The following SPG11 variants were observed in gnomAD, a reference collection of about 807,000 sequenced individuals.
SPG11 encodes the protein SPG11 vesicle trafficking associated, spatacsin.
SPG11 carries 222 observed loss-of-function variants against 274.0 expected under a neutral mutation model. The observed-to-expected ratio is 0.81, with a 90% CI of 0.73 to 0.91. The LOEUF (loss-of-function observed/expected upper bound fraction) is 0.91, where lower values mean the gene tolerates loss of function less well. SPG11 is among the 40% of genes least tolerant of loss of function. The pLI is 0.00. For missense variants in SPG11, 3,114 were observed against 2,872.7 expected (o/e 1.08, Z -1.92); for synonymous variants, 1,144 against 1,039.7 (o/e 1.10, Z -1.93).
chr15:44,594,893 T>G (rs962223048), intron 26 of SPG11, among the ~76,000 whole-genome samples: 1 of 152,258 alleles, frequency 6.6e-6, no homozygotes, highest in Non-Finnish European at 1.5e-5. Context: ...CTCGGCTCAC[T>G]GCAACCTCCA....
At chr15:44,572,987 T>A (rs1034583206) in intron 32 of SPG11, among the ~76,000 whole-genome samples, 167 bp from the exon 33 acceptor site, 1 of 140,688 alleles carries the variant, frequency 7.1e-6, no homozygotes, top group Non-Finnish European at 1.6e-5. Context: ...GTTCTTTTTT[T>A]TTTTTTTTTT....
intron 10 of SPG11, among the ~76,000 whole-genome samples, chr15:44,627,297 A>G (rs1448308592): frequency 6.6e-6 from 1 of 152,250 alleles, no homozygotes; most frequent in Non-Finnish European, 1.5e-5. Flanking sequence ...TAGAGGGAAC[A>G]GAAAGGAGGC....
intron 7 of SPG11, among the ~76,000 whole-genome samples, chr15:44,641,022 C>T (rs2084424553): frequency 6.6e-6 from 1 of 152,152 alleles, no homozygotes; most frequent in Admixed American, 6.5e-5. Context: ...GCCACCGCAC[C>T]CAGCCAGGAC....
chr15:44,601,158 A>T (rs2083176845), intron 20 of SPG11, among the ~76,000 whole-genome samples: 1 of 152,230 alleles, frequency 6.6e-6, no homozygotes, highest in African/African-American at 2.4e-5. Flanking sequence ...ATTTCAAAAA[A>T]ACAAAAAAAA....
At chr15:44,625,213 T>G (rs1431264163) in intron 11 of SPG11, among the ~76,000 whole-genome samples, 1 of 152,034 alleles carries the variant, frequency 6.6e-6, no homozygotes, top group Non-Finnish European at 1.5e-5. Context: ...GACAGGGTCT[T>G]GCTCTGTTAC....
At chr15:44,640,681 T>G (rs191212483) in intron 7 of SPG11, among the ~76,000 whole-genome samples, 1 of 152,294 alleles carries the variant, frequency 6.6e-6, no homozygotes, top group African/African-American at 2.4e-5. Flanking sequence ...ATGTGGAAAC[T>G]TAATATATGA....
chr15:44,579,526 CAAAAA>C (rs954664107), intron 30 of SPG11, among the ~76,000 whole-genome samples: 1 of 51,870 alleles, frequency 1.9e-5, no homozygotes, highest in African/African-American at 7.4e-5. Context: ...GACTCCGTCT[CAAAAA>C]AAAAAAAAAA....
chr15:44,608,443 C>A lies in SPG11; in HGVS notation c.3453+1G>T, dbSNP rs2083377690. 1.2e-6 allele frequency: 2 copies of A among 1,613,976 alleles called. No homozygotes were observed. The highest frequency in any genetic ancestry group is 1.7e-6 in the Non-Finnish European group (2 of 1,179,938). On this transcript the variant is annotated splice_donor_variant, in intron 19 of 39. Transcript: ENST00000261866. LOFTEE classifies it high-confidence loss of function. ...AAATATTGGCCACCTAAATACTGTA[C>A]CTGAATAAGGTGGTAGATTGTAATA...
At chr15:44,566,847 A>T (rs2082319364) in intron 36 of SPG11, among the ~76,000 whole-genome samples, 1 of 151,668 alleles carries the variant, frequency 6.6e-6, no homozygotes, top group South Asian at 2.1e-4. Context: ...TTACAGGTGC[A>T]TGCCGCCACA....
At chr15:44,630,745 A>T (rs2141048869) in intron 8 of SPG11, among the ~76,000 whole-genome samples, 1 of 152,136 alleles carries the variant, frequency 6.6e-6, no homozygotes, top group African/African-American at 2.4e-5. Context: ...ACACATGGCT[A>T]ATTTTTGTAT....
intron 17 of SPG11, among the ~76,000 whole-genome samples, chr15:44,611,257 A>G (rs2083454608): frequency 6.6e-6 from 1 of 152,172 alleles, no homozygotes; most frequent in Non-Finnish European, 1.5e-5. Context: ...ACAAATGACA[A>G]CCTAAAGAGT....
At chr15:44,649,398 A>T (rs144368902) in intron 6 of SPG11, among the ~76,000 whole-genome samples, 135 of 152,230 alleles carry the variant, frequency 8.9e-4, no homozygotes, top group African/African-American at 3.0e-3. Context: ...ATTTAAAAAA[A>T]TTTTTAAATT....
At chr15:44,593,393 G>A (rs1452904117) in intron 26 of SPG11, among the ~76,000 whole-genome samples, 1 of 151,974 alleles carries the variant, frequency 6.6e-6, no homozygotes, top group Non-Finnish European at 1.5e-5. Flanking sequence ...GGTTCACTGT[G>A]TTGCCAGGCT....
Position 44,566,247 on chromosome 15 carries a change from CAG to C in SPG11, c.6811_6812del (p.Leu2271AspfsTer68), listed in dbSNP as rs1268815918. 4 of 1,614,228 alleles carry C rather than the reference CAG, an allele frequency of 2.5e-6. No homozygotes were observed. The highest frequency in any genetic ancestry group is 2.2e-5 in the South Asian group (2 of 91,086). On this transcript the variant is annotated frameshift_variant, in exon 37 of 40. Transcript: ENST00000261866. LOFTEE classifies it high-confidence loss of function. ...LKQLLLKALTLMLDAAESYAK... is the reference protein window; with the variant it reads ...LKQLLLKALTXMLDAAESYAK... The stretch of plus-strand genomic sequence containing the variant: ...CATAACTCTCTGCTGCATCCAACAT[CAG>C]AGTCAGGGCCTTCAGCAGCAGTTGT...
chr15:44,627,739 G>A (rs1429907107), intron 10 of SPG11, among the ~76,000 whole-genome samples: 1 of 152,030 alleles, frequency 6.6e-6, no homozygotes, highest in Non-Finnish European at 1.5e-5. Flanking sequence ...ACAGGCGCCT[G>A]CCACCACACC....
chr15:44,598,698 G>T lies in SPG11; in HGVS notation c.3825C>A (p.Ala1275=). The T allele has an allele frequency of 1.2e-6, 2 of 1,614,082 alleles. No individual in the cohort carries two copies. The highest frequency in any genetic ancestry group is 8.5e-7 in the Non-Finnish European group (1 of 1,180,022). Residue 1275 remains alanine (A), a synonymous_variant, in exon 22 of 40, where the codon GCC becomes GCA. Transcript: ENST00000261866. The part of the protein sequence containing the change: ...SLKLRVDMKV[A]NIILSYKCRN... Reference sequence around the variant, plus strand: ...TGCACTTGTAGCTCAAAATTATATTGGCCACTTTCATATCAACTCTGAGCT... The same window carrying T: ...TGCACTTGTAGCTCAAAATTATATTTGCCACTTTCATATCAACTCTGAGCT...
At chr15:44,587,086 A>T (rs568269665) in intron 28 of SPG11, among the ~76,000 whole-genome samples, 13 of 152,334 alleles carry the variant, frequency 8.5e-5, no homozygotes, top group African/African-American at 3.1e-4. Context: ...TATTCCCAGA[A>T]CTTTGGGAGA....
At chr15:44,577,020 G>A (rs2082553787) in intron 30 of SPG11, among the ~76,000 whole-genome samples, 1 of 151,944 alleles carries the variant, frequency 6.6e-6, no homozygotes, top group Non-Finnish European at 1.5e-5. Context: ...TAGATATGAA[G>A]TTTCACCATG....
intron 35 of SPG11, among the ~76,000 whole-genome samples, chr15:44,568,966 G>A (rs2082361358): frequency 6.6e-6 from 1 of 152,020 alleles, no homozygotes; most frequent in African/African-American, 2.4e-5. Context: ...GAGGTCGGGA[G>A]TTCAAGACTA....
Sources: allele counts gnomAD v4.1 joint callset (sites outside exome capture counted in the v4.1 genomes callset), GRCh38; gene constraint gnomAD v4.1.1; transcripts MANE v1.5; gene names NCBI Gene and HGNC (gene_info 2026-07-23, HGNC 2026-07-21).